The following UBASH3A variants were observed in gnomAD, a reference collection of about 807,000 sequenced individuals.
UBASH3A encodes ubiquitin-associated and SH3 domain-containing protein A.
A neutral mutation model predicts 73.5 loss-of-function variants in UBASH3A; 63 were observed. That is an observed-to-expected ratio of 0.86 (90% CI 0.70 to 1.06). UBASH3A has a LOEUF of 1.06. Ranked by LOEUF, UBASH3A falls within the 50% of genes least tolerant of loss-of-function variation. The pLI, the probability that UBASH3A is intolerant of heterozygous loss-of-function variation, is 0.00. For missense variants in UBASH3A, 860 were observed against 859.0 expected (o/e 1.00, Z -0.02); for synonymous variants, 363 against 351.1 (o/e 1.03, Z -0.38).
intron 8 of UBASH3A, among the ~76,000 whole-genome samples, chr21:42,431,483 C>A (rs1055938792): frequency 6.6e-6 from 1 of 152,212 alleles, no homozygotes; most frequent in African/African-American, 2.4e-5. Context: ...AGTCTCATGC[C>A]GAGAAGAAGT....
intron 9 of UBASH3A, among the ~76,000 whole-genome samples, chr21:42,433,495 T>G (rs2053573001): frequency 6.6e-6 from 1 of 152,158 alleles, no homozygotes; most frequent in South Asian, 2.1e-4. Context: ...CACATCCTTG[T>G]CCTCTCCTGA....
In UBASH3A at chr21:42,443,350, G is replaced by T. The variant is rs758254568; in HGVS notation, c.1670G>T (p.Ser557Ile). The change falls in exon 13 of 15, where the codon AGC becomes ATC. Residue 557 changes from serine (S) to isoleucine (I), a missense_variant. By Grantham distance (142) the Ser-to-Ile change is moderately radical. Transcript: ENST00000319294. ...FPLSALMPAESYQEYMDRCTA... is the reference protein window; with the variant it reads ...FPLSALMPAEIYQEYMDRCTA... ...CTGTCCGCCCTCATGCCGGCCGAGA[G>T]CTACCAGGAGTACATGGACAGGTGC... is the stretch of plus-strand genomic sequence containing the variant. The T allele has an allele frequency of 1.9e-6, 3 of 1,613,148 alleles. No individual in the cohort carries two copies. In the South Asian group the frequency reaches 3.3e-5, roughly 18 times the overall value.
intron 7 of UBASH3A, among the ~76,000 whole-genome samples, chr21:42,420,669 G>A (rs756011650): frequency 2.6e-5 from 4 of 152,198 alleles, no homozygotes; most frequent in Non-Finnish European, 5.9e-5. Context: ...GCTGAAGCTT[G>A]TTGTCCACAT....
intron 6 of UBASH3A, among the ~76,000 whole-genome samples, chr21:42,417,149 G>A (rs906120673): frequency 2.6e-5 from 4 of 151,874 alleles, no homozygotes; most frequent in Non-Finnish European, 4.4e-5. Flanking sequence ...GAAGCTGGGT[G>A]TGGTGGCTCA....
At position 42,416,517 on chromosome 21, in the gene UBASH3A, C is replaced by A; in HGVS notation, c.743C>A (p.Thr248Lys). The A allele has an allele frequency of 2.5e-6, 4 of 1,612,176 alleles. No homozygotes were observed. The highest frequency in any genetic ancestry group is 3.4e-6 in the Non-Finnish European group (4 of 1,179,240). ...AHKFYPHHQR[T>K]LEQLARAIPL... is the part of the protein sequence containing the mutation. Reference sequence around the variant, plus strand: ...AAGTTCTACCCCCACCACCAGAGGACGCTGGAGCAGCTGGCCAGAGCCATC... The same window carrying A: ...AAGTTCTACCCCCACCACCAGAGGAAGCTGGAGCAGCTGGCCAGAGCCATC... The change falls in exon 6 of 15, where the codon ACG (threonine) becomes AAG (lysine). Residue 248 changes from threonine (T) to lysine (K), a missense_variant. Thr to Lys is a moderately conservative substitution (Grantham distance 78). Coordinates refer to ENST00000319294, the MANE Select transcript of UBASH3A (RefSeq NM_018961.4).
At chr21:42,410,898 G>GAC in intron 3 of UBASH3A, among the ~76,000 whole-genome samples, 1 of 151,366 alleles carries the variant, frequency 6.6e-6, no homozygotes, top group Non-Finnish European at 1.5e-5. Context: ...CATGCATACA[G>GAC]ACATACATAG....
In UBASH3A at chr21:42,440,927, C is replaced by T. The variant is rs115290860; in HGVS notation, c.1487-1525C>T. On this transcript the variant is annotated intron_variant, in intron 11 of 14. Coordinates refer to ENST00000319294, the MANE Select transcript of UBASH3A (RefSeq NM_018961.4). Reference sequence around the variant, plus strand: ...TGGTTCCTCATTAACACACTTATTCCCATTTTTGGTGGATTTTTTTACTTC... The same window carrying T: ...TGGTTCCTCATTAACACACTTATTCTCATTTTTGGTGGATTTTTTTACTTC... 9.5e-4 allele frequency among the ~76,000 whole-genome samples: 144 copies of T among 152,240 alleles called. 1 individual carries two copies. Among genetic ancestry groups the T allele is most frequent in the African/African-American group, 3.3e-3 (139 of 41,532 alleles).
intron 11 of UBASH3A, among the ~76,000 whole-genome samples, chr21:42,438,336 C>T (rs1354094331): frequency 6.6e-6 from 1 of 152,084 alleles, no homozygotes; most frequent in East Asian, 1.9e-4. Context: ...GGAAGTAAGG[C>T]CACCAGCGGA....
rs202063100 is a variant in UBASH3A at position 42,409,510 on chromosome 21, G to C, written c.256G>C (p.Glu86Gln). Residue 86 changes from glutamate to glutamine, a missense_variant, in exon 3 of 15, where the codon GAA becomes CAA. Glu to Gln is a conservative substitution (Grantham distance 29). Transcript: ENST00000319294. ...LFLCPTGPLLEKLQEFWRESK... is the reference protein window; with the variant it reads ...LFLCPTGPLLQKLQEFWRESK... ...CCTCTGTCCAACGGGGCCCCTGCTG[G>C]AAAAACTTCAAGAGTTCTGGAGAGA... The C allele has an allele frequency of 6.2e-7, 1 of 1,614,110 alleles. No individual in the cohort carries two copies. Among genetic ancestry groups the C allele is most frequent in the East Asian group, 2.2e-5 (1 of 44,886 alleles).
intron 8 of UBASH3A, among the ~76,000 whole-genome samples, chr21:42,429,471 G>A (rs892949707): frequency 2.6e-5 from 4 of 152,142 alleles, no homozygotes; most frequent in African/African-American, 9.7e-5. Context: ...CATTTAAAAT[G>A]CTCTGAGCTC....
At chr21:42,434,074 C>T (rs2053583576) in intron 9 of UBASH3A, among the ~76,000 whole-genome samples, 1 of 151,636 alleles carries the variant, frequency 6.6e-6, no homozygotes, top group Admixed American at 6.6e-5. Flanking sequence ...GTCATCCTGA[C>T]GTGGTGACAT....
intron 12 of UBASH3A, 111 bp from the exon 13 acceptor site, chr21:42,443,201 G>T: frequency 7.0e-7 from 1 of 1,428,394 alleles, no homozygotes; most frequent in Non-Finnish European, 9.2e-7. Flanking sequence ...AGCCTGCCTT[G>T]AGGCAGAGCC....
chr21:42,435,096 C>A, intron 10 of UBASH3A, 142 bp downstream of exon 10: 2 of 1,103,724 alleles, frequency 1.8e-6, no homozygotes, highest in Non-Finnish European at 2.5e-6. Flanking sequence ...GAGGCTGGGG[C>A]ACAGAGAGGT....
At chr21:42,410,094 G>A in intron 3 of UBASH3A, 1 of 702,424 alleles carries the variant, frequency 1.4e-6, no homozygotes, top group Non-Finnish European at 2.6e-6. Context: ...ACCCACAAAT[G>A]CAGAACTTTT....
Position 42,404,007 on chromosome 21 carries a change from G to A in UBASH3A, c.62G>A (p.Ser21Asn). 1 of 1,529,148 alleles carries A rather than the reference G, an allele frequency of 6.5e-7. No homozygotes were observed. Among genetic ancestry groups the A allele is most frequent in the Non-Finnish European group, 8.8e-7 (1 of 1,134,360 alleles). The allele number at this position is 1,529,148 out of a possible 1,614,324, so 94.7% of individuals were successfully genotyped here. A position where few individuals can be genotyped will look rare whatever the true frequency, so the allele number is the denominator to read the frequency against. Reference sequence around the variant, plus strand: ...TCCAACAAGCTCAAGAGCCGCAGCAGCCCCTCGCTCCTGGAGCCCCTCCTG... The same window carrying A: ...TCCAACAAGCTCAAGAGCCGCAGCAACCCCTCGCTCCTGGAGCCCCTCCTG... ...KVSNKLKSRS[S>N]PSLLEPLLAM... Residue 21 changes from serine (S) to asparagine (N), a missense_variant, in exon 1 of 15, where the codon AGC becomes AAC. Transcript: ENST00000319294.
rs1163879889 is a variant in UBASH3A, at chr21:42,444,620, G to A, written c.1825G>A (p.Asp609Asn). 50 of 1,614,086 alleles carry A rather than the reference G, an allele frequency of 3.1e-5. No individual in the cohort carries two copies. Among genetic ancestry groups the A allele is most frequent in the South Asian group, 8.8e-5 (8 of 91,096 alleles). The change falls in exon 14 of 15, where the codon GAT becomes AAT. Residue 609 changes from aspartate (D) to asparagine (N), a missense_variant. Physicochemically the swap from Asp to Asn is conservative, Grantham distance 23 (BLOSUM62 1). Coordinates refer to ENST00000319294, the MANE Select transcript of UBASH3A (RefSeq NM_018961.4). Reference protein sequence around the residue: ...LLGLPPRECGDFAQLVRKIPS... With the variant: ...LLGLPPRECGNFAQLVRKIPS... The stretch of plus-strand genomic sequence containing the variant: ...CGGGCTGCCGCCCCGGGAATGTGGG[G>A]ATTTTGCCCAACTCGTGAGAAAGGT...
At chr21:42,441,218 A>G (rs8133569) in intron 11 of UBASH3A, among the ~76,000 whole-genome samples, 1 of 152,124 alleles carries the variant, frequency 6.6e-6, no homozygotes, top group South Asian at 2.1e-4. Flanking sequence ...AAGGTGCTCA[A>G]CTTTGTTTAA....
intron 3 of UBASH3A, 77 bp downstream of exon 3, chr21:42,409,685 C>A: frequency 1.5e-6 from 2 of 1,336,932 alleles, no homozygotes; most frequent in Non-Finnish European, 2.1e-6. Flanking sequence ...CATGATGGGA[C>A]AAAGTTGACT....
intron 7 of UBASH3A, among the ~76,000 whole-genome samples, chr21:42,419,197 G>T (rs778888012): frequency 6.6e-5 from 10 of 152,136 alleles, no homozygotes; most frequent in African/African-American, 1.7e-4. Flanking sequence ...GAAGCTGTAG[G>T]GCTCCTGGTG....
Sources: gnomAD v4.1 joint callset for allele counts (sites outside exome capture counted in the v4.1 genomes callset) on GRCh38, gnomAD v4.1.1 for gene constraint, MANE v1.5 for transcripts, NCBI Gene and HGNC (gene_info 2026-07-23, HGNC 2026-07-21) for gene names.